PANX1: variants seen among roughly 807,000 people sequenced by gnomAD.
PANX1 encodes pannexin 1, also known as pannexin-1.
Under a neutral mutation model 38.7 loss-of-function variants are expected in PANX1, and 30 were observed. The observed-to-expected ratio is 0.78, with a 90% CI of 0.58 to 1.05. PANX1 has a LOEUF of 1.05. Ranked by LOEUF, PANX1 falls within the 50% of genes least tolerant of loss-of-function variation. The pLI is 0.00. For missense variants in PANX1, 551 were observed against 517.2 expected (o/e 1.07, Z -0.63); for synonymous variants, 230 against 212.2 (o/e 1.08, Z -0.73).
intron 2 of PANX1, among the ~76,000 whole-genome samples, chr11:94,171,792 C>T (rs1947171598): frequency 6.6e-6 from 1 of 150,914 alleles, no homozygotes; most frequent in Non-Finnish European, 1.5e-5. Flanking sequence ...CCACTCCATG[C>T]ACTACTGATG....
At chr11:94,137,950 G>A (rs756959992) in intron 1 of PANX1, among the ~76,000 whole-genome samples, 9 of 137,882 alleles carry the variant, frequency 6.5e-5, no homozygotes, top group Non-Finnish European at 1.1e-4. Flanking sequence ...CAGTGACATG[G>A]AATGTTGTGC....
chr11:94,173,274 C>T (rs910293230), intron 2 of PANX1, among the ~76,000 whole-genome samples: 43 of 151,644 alleles, frequency 2.8e-4, no homozygotes, highest in African/African-American at 8.5e-4. Context: ...CAGGCCTGTT[C>T]GTGGTCTTCT....
chr11:94,129,343 G>A lies in PANX1; in HGVS notation c.31G>A (p.Val11Met), dbSNP rs759477545. The A allele has an allele frequency of 6.2e-7, 1 of 1,613,650 alleles. No homozygotes were observed. The highest frequency in any genetic ancestry group is 8.5e-7 in the Non-Finnish European group (1 of 1,179,704). The change falls in exon 1 of 5, where the codon GTG (valine) becomes ATG (methionine). Residue 11 changes from valine to methionine, a missense_variant. Coordinates refer to ENST00000227638, the MANE Select transcript of PANX1 (RefSeq NM_015368.4). ...CATCGCTCAACTGGCCACGGAGTAC[G>A]TGTTCTCGGATTTCTTGCTGAAGGA... MAIAQLATEY[V>M]FSDFLLKEPT... is the part of the protein sequence containing the mutation.
intron 1 of PANX1, among the ~76,000 whole-genome samples, chr11:94,133,183 G>A (rs894830990): frequency 2.6e-5 from 4 of 152,188 alleles, no homozygotes; most frequent in Non-Finnish European, 5.9e-5. Context: ...AGAGGTTCTG[G>A]CCCCTTCCCT....
At chr11:94,162,871 CTT>C (rs59182320) in intron 2 of PANX1, among the ~76,000 whole-genome samples, 6 of 107,408 alleles carry the variant, frequency 5.6e-5, no homozygotes, top group South Asian at 2.7e-4. Context: ...ACCAACCTCT[CTT>C]TTTTTTTTTT....
chr11:94,162,026 G>A (rs917166978), intron 2 of PANX1, among the ~76,000 whole-genome samples: 2 of 152,208 alleles, frequency 1.3e-5, no homozygotes, highest in South Asian at 2.1e-4. Flanking sequence ...GGAGGCTGCA[G>A]AACAGCAGAT....
chr11:94,157,515 G>T (rs371466682), intron 2 of PANX1, among the ~76,000 whole-genome samples: 2 of 152,088 alleles, frequency 1.3e-5, no homozygotes, highest in Non-Finnish European at 2.9e-5. Context: ...TCATGTGTCT[G>T]TTGGCTGCAT....
rs189182741 is a variant in PANX1, at chr11:94,161,054, C to T, written c.321+7424C>T. ...CTTTAAGAATGTTGAATATTGGCCC[C>T]CACTCTCTTCTGGCTTGTAGAGTTT... On this transcript the variant is annotated intron_variant, in intron 2 of 4. Coordinates refer to ENST00000227638, the MANE Select transcript of PANX1 (RefSeq NM_015368.4). Among the ~76,000 whole-genome samples, 12 of 152,296 alleles carry T rather than the reference C, an allele frequency of 7.9e-5. No individual in the cohort carries two copies. In the East Asian group the frequency reaches 2.3e-3, roughly 29 times the overall value.
intron 2 of PANX1, among the ~76,000 whole-genome samples, chr11:94,156,027 A>G (rs1430179034): frequency 6.6e-6 from 1 of 151,308 alleles, no homozygotes; most frequent in African/African-American, 2.4e-5. Context: ...AGTTTTAATG[A>G]GTCACTGGGC....
chr11:94,181,060 C>A lies in PANX1; in HGVS notation c.*191C>A. ...TTATGGAAGAATGGTTTATGAACTT[C>A]CCATAGGAAGCACCTGAGAGATAGT... On this transcript the variant is annotated 3_prime_UTR_variant, in exon 5 of 5. Coordinates refer to ENST00000227638, the MANE Select transcript of PANX1 (RefSeq NM_015368.4). The A allele has an allele frequency of 1.8e-6, 1 of 569,048 alleles. No individual in the cohort carries two copies. The allele number at this position is 569,048 out of a possible 1,614,324, so 35.2% of individuals were successfully genotyped here.
At chr11:94,163,840 G>A (rs1057220069) in intron 2 of PANX1, among the ~76,000 whole-genome samples, 17 of 152,122 alleles carry the variant, frequency 1.1e-4, no homozygotes, top group African/African-American at 4.1e-4. Context: ...GTAGAATTTA[G>A]CAGTGAAGCC....
chr11:94,129,336 G>T lies in PANX1; in HGVS notation c.24G>T (p.Thr8=), dbSNP rs776439157. 1.9e-6 allele frequency: 3 copies of T among 1,612,510 alleles called. No homozygotes were observed. In the Admixed American group the frequency reaches 5.0e-5, roughly 27 times the overall value. Residue 8 remains threonine (T), a synonymous_variant, in exon 1 of 5, where the codon ACG becomes ACT. Coordinates refer to ENST00000227638, the MANE Select transcript of PANX1 (RefSeq NM_015368.4). The part of the protein sequence containing the change: MAIAQLA[T]EYVFSDFLLK... The stretch of plus-strand genomic sequence containing the variant: ...CCATGGCCATCGCTCAACTGGCCAC[G>T]GAGTACGTGTTCTCGGATTTCTTGC...
chr11:94,162,491 C>A (rs1279727519), intron 2 of PANX1, among the ~76,000 whole-genome samples: 1 of 152,204 alleles, frequency 6.6e-6, no homozygotes, highest in African/African-American at 2.4e-5. Context: ...ATGAGCGAGG[C>A]TCCGTGGGCG....
In PANX1 at chr11:94,131,716, A is replaced by T. The variant is rs549469031; in HGVS notation, c.181+2223A>T. Among the ~76,000 whole-genome samples the T allele has an allele frequency of 3.3e-5, 5 of 152,352 alleles. No homozygotes were observed. The South Asian group carries it at 8.3e-4, about 25-fold the overall frequency. On this transcript the variant is annotated intron_variant, in intron 1 of 4. Transcript: ENST00000227638. Reference sequence around the variant, plus strand: ...GGAAGACCTATTAGATTAGGTATACATTTAGATAAAACCAGAAGAAGGGCT... The same window carrying T: ...GGAAGACCTATTAGATTAGGTATACTTTTAGATAAAACCAGAAGAAGGGCT...
intron 3 of PANX1, among the ~76,000 whole-genome samples, chr11:94,179,121 A>C (rs1360504035): frequency 6.6e-6 from 1 of 152,174 alleles, no homozygotes; most frequent in Non-Finnish European, 1.5e-5. Context: ...ATTTAAGTAC[A>C]TTATCTCCTT....
intron 2 of PANX1, among the ~76,000 whole-genome samples, chr11:94,163,500 C>T (rs1483575266): frequency 6.6e-6 from 1 of 152,128 alleles, no homozygotes; most frequent in Non-Finnish European, 1.5e-5. Flanking sequence ...TTTTGTCCTT[C>T]ATTCTGTTGA....
At position 94,181,258 on chromosome 11, in the gene PANX1, G is replaced by T; in HGVS notation, c.*389G>T. 1.1e-5 allele frequency: 2 copies of T among 174,580 alleles called. No homozygotes were observed. Among genetic ancestry groups the T allele is most frequent in the Admixed American group, 5.8e-5 (1 of 17,220 alleles). 10.8% of individuals were successfully genotyped at this position (174,580 alleles called of 1,614,324 possible). A position where few individuals can be genotyped will look rare whatever the true frequency, so the allele number is the denominator to read the frequency against. On this transcript the variant is annotated 3_prime_UTR_variant, in exon 5 of 5. Coordinates refer to ENST00000227638, the MANE Select transcript of PANX1 (RefSeq NM_015368.4). ...ACAAGCACTTTGGAAGATTTGTTTT[G>T]TTTTCATGGAATAATAATATGTCAG...
chr11:94,132,766 A>G (rs532840505), intron 1 of PANX1, among the ~76,000 whole-genome samples: 1 of 152,334 alleles, frequency 6.6e-6, no homozygotes, highest in South Asian at 2.1e-4. Flanking sequence ...CTTTCCAAAA[A>G]TTAAATTTTC....
intron 2 of PANX1, among the ~76,000 whole-genome samples, chr11:94,158,501 T>G (rs1171938514): frequency 6.6e-6 from 1 of 151,940 alleles, no homozygotes; most frequent in Admixed American, 6.5e-5. Flanking sequence ...TTTTATTCTC[T>G]TTGAAGCAAT....
Sources: allele counts gnomAD v4.1 joint callset (sites outside exome capture counted in the v4.1 genomes callset), GRCh38; gene constraint gnomAD v4.1.1; transcripts MANE v1.5; gene names NCBI Gene and HGNC (gene_info 2026-07-23, HGNC 2026-07-21).